The following COL11A1 variants were observed in gnomAD, a reference collection of about 807,000 sequenced individuals.
COL11A1 encodes collagen type XI alpha 1 chain.
Under a neutral mutation model 265.2 loss-of-function variants are expected in COL11A1, and 74 were observed. The observed-to-expected ratio is 0.28, with a 90% CI of 0.23 to 0.34. The LOEUF (loss-of-function observed/expected upper bound fraction) is 0.34, where lower values mean the gene tolerates loss of function less well. Among genes scored for constraint, COL11A1 ranks in the 10% least tolerant of loss-of-function variants. COL11A1 has a pLI of 1.00. For synonymous variants in COL11A1, 816 were observed against 727.6 expected (o/e 1.12, Z -1.96); for missense variants, 2,165 against 2,263.6 (o/e 0.96, Z 0.88).
chr1:102,908,533 A>G (rs1259539231), intron 54 of COL11A1, among the ~76,000 whole-genome samples: 1 of 152,134 alleles, frequency 6.6e-6, no homozygotes, highest in Non-Finnish European at 1.5e-5. Flanking sequence ...TAAATCAATT[A>G]GAACTGAATT....
At chr1:102,983,730 A>T (rs1017637752) in intron 31 of COL11A1, among the ~76,000 whole-genome samples, 6 of 152,004 alleles carry the variant, frequency 3.9e-5, no homozygotes, top group African/African-American at 1.4e-4. Context: ...GAAAAAAAAT[A>T]CTCATGGAAA....
intron 4 of COL11A1, among the ~76,000 whole-genome samples, chr1:103,065,445 G>T (rs1359280125): frequency 6.7e-6 from 1 of 148,954 alleles, no homozygotes; most frequent in African/African-American, 2.5e-5. Context: ...GCATGAACCC[G>T]GGAGGCGGAG....
At chr1:103,065,255 T>C (rs1395789141) in intron 4 of COL11A1, among the ~76,000 whole-genome samples, 1 of 151,956 alleles carries the variant, frequency 6.6e-6, no homozygotes, top group Non-Finnish European at 1.5e-5. Context: ...GCACGGTGGC[T>C]CACGCCTATA....
intron 15 of COL11A1, among the ~76,000 whole-genome samples, chr1:103,007,967 C>A (rs1665777661): frequency 6.6e-6 from 1 of 150,632 alleles, no homozygotes; most frequent in East Asian, 2.0e-4. Flanking sequence ...CATGGGCCAA[C>A]AATAACAGTA....
intron 5 of COL11A1, among the ~76,000 whole-genome samples, chr1:103,028,403 G>A (rs1222720655): frequency 6.6e-6 from 1 of 151,992 alleles, no homozygotes; most frequent in Non-Finnish European, 1.5e-5. Flanking sequence ...TCCGTGTGGT[G>A]GTCATGAATA....
At position 103,082,972 on chromosome 1, in the gene COL11A1, G is replaced by T; in HGVS notation, c.107C>A (p.Ala36Asp). 6.2e-7 allele frequency: 1 copy of T among 1,612,314 alleles called. No homozygotes were observed. Among genetic ancestry groups the T allele is most frequent in the Non-Finnish European group, 8.5e-7 (1 of 1,179,160 alleles). ...TGCTTTTAGTACATCAACTGGAGCA[G>T]CTGAAAAATAAGCAAACAATAAAAA... The part of the protein sequence containing the change: ...FLFQAREVRG[A>D]APVDVLKALD... The change falls in exon 2 of 67, where the codon GCT (alanine) becomes GAT (aspartate). Residue 36 changes from alanine (A) to aspartate (D), a missense_variant and splice_region_variant. Coordinates refer to ENST00000370096, the MANE Select transcript of COL11A1 (RefSeq NM_001854.4).
At chr1:102,962,949 A>G (rs997188414) in intron 38 of COL11A1, among the ~76,000 whole-genome samples, 189 bp from the exon 39 acceptor site, 8 of 152,362 alleles carry the variant, frequency 5.3e-5, no homozygotes, top group Middle Eastern at 3.4e-3. Flanking sequence ...AAGATTTTAT[A>G]TAATCTTGGT....
At chr1:102,890,708 A>C (rs1651661786) in intron 57 of COL11A1, among the ~76,000 whole-genome samples, 1 of 152,048 alleles carries the variant, frequency 6.6e-6, no homozygotes, top group Admixed American at 6.6e-5. Flanking sequence ...TAATATTGAT[A>C]ATTTTGATTA....
intron 4 of COL11A1, among the ~76,000 whole-genome samples, chr1:103,046,436 A>G (rs1571142339): frequency 6.6e-6 from 1 of 151,542 alleles, no homozygotes; most frequent in Non-Finnish European, 1.5e-5. Context: ...TCCTTTGCCC[A>G]CTTTTTGATG....
rs1263838511 is a variant in COL11A1, at chr1:102,995,852, A to G, written c.2340+12T>C. 6.3e-7 allele frequency: 1 copy of G among 1,597,916 alleles called. No individual in the cohort carries two copies. The highest frequency in any genetic ancestry group is 8.6e-7 in the Non-Finnish European group (1 of 1,168,128). On this transcript the variant is annotated intron_variant, in intron 28 of 66. Transcript: ENST00000370096. Reference sequence around the variant, plus strand: ...CACAGAAATTAATACCATCTAAACAATTAAATTTTACCTTTTCACCTTTAG... The same window carrying G: ...CACAGAAATTAATACCATCTAAACAGTTAAATTTTACCTTTTCACCTTTAG...
chr1:103,021,842 T>C (rs1222620776), intron 8 of COL11A1, 73 bp from the exon 9 acceptor site: 38 of 1,161,726 alleles, frequency 3.3e-5, no homozygotes, highest in Non-Finnish European at 3.7e-5. Context: ...TTTCTTCTTT[T>C]TTTTTTTCTT....
In COL11A1 at chr1:102,965,527, T is replaced by A; in HGVS notation, c.2876A>T (p.Lys959Met). The change falls in exon 38 of 67, where the codon AAG becomes ATG. Residue 959 changes from lysine to methionine, a missense_variant. By Grantham distance (95) the Lys-to-Met change is moderately conservative (BLOSUM62 -1). Transcript: ENST00000370096. ...GQRGETGFQG[K>M]TGPPGPGGVV... ...TCCCCCTGGCCCAGGAGGGCCGGTC[T>A]TGCCTTGAAATCCCTAAGGAGGCAA... The A allele has an allele frequency of 6.2e-7, 1 of 1,613,692 alleles. No homozygotes were observed. Among genetic ancestry groups the A allele is most frequent in the Admixed American group, 1.7e-5 (1 of 60,010 alleles).
chr1:102,936,979 G>A (rs1039778950), intron 44 of COL11A1, among the ~76,000 whole-genome samples: 4 of 152,014 alleles, frequency 2.6e-5, no homozygotes, highest in Non-Finnish European at 5.9e-5. Flanking sequence ...GTCACCACAG[G>A]CTGAACTAGA....
chr1:102,963,052 C>A (rs1413736444), intron 38 of COL11A1, among the ~76,000 whole-genome samples: 1 of 152,048 alleles, frequency 6.6e-6, no homozygotes, highest in Non-Finnish European at 1.5e-5. Context: ...TGTGGCCAGT[C>A]CAAGTATTAT....
chr1:102,938,204 C>A (rs74110508), intron 44 of COL11A1, among the ~76,000 whole-genome samples: 2,945 of 151,852 alleles, frequency 0.019, 96 homozygotes, highest in African/African-American at 0.067. Context: ...AAATCCAACC[C>A]TAAAAGCATC....
chr1:102,919,844 C>A (rs116464574), intron 49 of COL11A1, among the ~76,000 whole-genome samples: 4,927 of 152,044 alleles, frequency 0.032, 108 homozygotes, highest in Middle Eastern at 0.085. Flanking sequence ...CAAAATATAA[C>A]AAAATGAATG....
intron 57 of COL11A1, among the ~76,000 whole-genome samples, chr1:102,897,145 G>T (rs1652528029): frequency 6.6e-6 from 1 of 151,946 alleles, no homozygotes; most frequent in Non-Finnish European, 1.5e-5. Flanking sequence ...TGGTAGGTAT[G>T]CTTTGCATAC....
chr1:102,890,523 A>T lies in COL11A1; in HGVS notation c.4303-19T>A. 1 of 1,586,030 alleles carries T rather than the reference A, an allele frequency of 6.3e-7. No individual in the cohort carries two copies. Among genetic ancestry groups the T allele is most frequent in the Non-Finnish European group, 8.6e-7 (1 of 1,169,246 alleles). ...GAGGTCCCTAAATAATAACAAAAAA[A>T]AAACCCCAAAACAAAAACAGAGTAG... On this transcript the variant is annotated intron_variant, in intron 57 of 66. Transcript: ENST00000370096.
chr1:103,064,509 GA>G lies in COL11A1; in HGVS notation c.651+10108del, dbSNP rs565522157. Among the ~76,000 whole-genome samples the G allele has an allele frequency of 2.5e-4, 38 of 151,902 alleles. 1 individual carries two copies. In the East Asian group the frequency reaches 7.0e-3, roughly 28 times the overall value. On this transcript the variant is annotated intron_variant, in intron 4 of 66. Transcript: ENST00000370096. ...TCAAGACCATCGTGGCTAACACGGT[GA>G]AAACCTGTCTTCACTAAAAACACAA... is the stretch of plus-strand genomic sequence containing the variant.
Sources: allele counts gnomAD v4.1 joint callset (sites outside exome capture counted in the v4.1 genomes callset), GRCh38; gene constraint gnomAD v4.1.1; transcripts MANE v1.5; gene names NCBI Gene and HGNC (gene_info 2026-07-23, HGNC 2026-07-21).